Variants in CREB5 observed in about 807,000 individuals in gnomAD.
The protein encoded by CREB5 is cyclic AMP-responsive element-binding protein 5.
In CREB5, 19 loss-of-function variants were observed where a neutral mutation model predicts 57.1. The ratio of observed to expected loss-of-function variants is 0.33; its 90% confidence interval spans 0.23 to 0.49. CREB5 has a LOEUF of 0.49. Among genes scored for constraint, CREB5 ranks in the 20% least tolerant of loss-of-function variants. CREB5 has a pLI of 0.99. For missense variants in CREB5, 579 were observed against 671.6 expected (o/e 0.86, Z 1.52); for synonymous variants, 238 against 238.3 (o/e 1.00, Z 0.01).
rs1785983892 is a variant in CREB5 at position 28,343,849 on chromosome 7, T to G, written c.-25+44408T>G. On this transcript the variant is annotated intron_variant, in intron 1 of 9. Coordinates refer to the CREB5 transcript ENST00000396299. ...GCACAAGGATTCTCTTTTCTCCACA[T>G]TCTTGCCAACCTTTGTTATCTTTTG... Among the ~76,000 whole-genome samples the G allele has an allele frequency of 3.3e-5, 5 of 152,252 alleles. No homozygotes were observed. In the South Asian group the frequency reaches 1.0e-3, roughly 31 times the overall value.
chr7:28,514,674 G>A (rs781628788), intron 4 of CREB5, among the ~76,000 whole-genome samples: 2 of 152,204 alleles, frequency 1.3e-5, no homozygotes, highest in African/African-American at 2.4e-5. Context: ...GATTACAGGC[G>A]TGAGCCACCG....
chr7:28,614,926 A>C (rs1797538800), intron 5 of CREB5, among the ~76,000 whole-genome samples: 1 of 152,216 alleles, frequency 6.6e-6, no homozygotes, highest in African/African-American at 2.4e-5. Context: ...TATAAAAGAT[A>C]AGTAGTCTTT....
chr7:28,446,457 T>A (rs1319574740), intron 1 of CREB5, among the ~76,000 whole-genome samples: 2 of 152,192 alleles, frequency 1.3e-5, no homozygotes, highest in Non-Finnish European at 2.9e-5. Flanking sequence ...GCTCTGCCTT[T>A]TAATAGCTGG....
chr7:28,673,495 T>C (rs1800150222), intron 5 of CREB5, among the ~76,000 whole-genome samples: 1 of 152,190 alleles, frequency 6.6e-6, no homozygotes, highest in Non-Finnish European at 1.5e-5. Context: ...CTTTAAAACA[T>C]GCTTTATGAT....
Position 28,657,985 on chromosome 7 carries a change from G to A in CREB5, c.465-60768G>A, listed in dbSNP as rs144738791. 7.5e-3 allele frequency among the ~76,000 whole-genome samples: 1,137 copies of A among 152,166 alleles called. 15 individuals carry two copies. The highest frequency in any genetic ancestry group is 0.026 in the African/African-American group (1,080 of 41,528). On this transcript the variant is annotated intron_variant, in intron 5 of 10. Transcript: ENST00000357727. ...TGATGAACTGCTGGTTCCATTTCTCGTCTGCTCACTGAGCAGGCACATTAT... is the reference window on the plus strand; with the variant it reads ...TGATGAACTGCTGGTTCCATTTCTCATCTGCTCACTGAGCAGGCACATTAT...
chr7:28,749,333 G>A (rs541732142), intron 7 of CREB5: 1 of 152,326 alleles, frequency 6.6e-6, no homozygotes, highest in Non-Finnish European at 1.5e-5. Flanking sequence ...TGCAGCAGTG[G>A]GGAAAGGGCA....
At chr7:28,322,813 G>C (rs546907901) in intron 1 of CREB5, among the ~76,000 whole-genome samples, 3 of 152,172 alleles carry the variant, frequency 2.0e-5, no homozygotes, top group African/African-American at 7.2e-5. Context: ...AGTATTCCAT[G>C]GTGTATATGT....
chr7:28,367,328 G>A (rs911571282), intron 1 of CREB5, among the ~76,000 whole-genome samples: 2 of 152,162 alleles, frequency 1.3e-5, no homozygotes, highest in Non-Finnish European at 2.9e-5. Flanking sequence ...ATCCCACACT[G>A]CTCATGTCTA....
At chr7:28,524,183 A>G (rs541103961) in intron 4 of CREB5, among the ~76,000 whole-genome samples, 2 of 152,266 alleles carry the variant, frequency 1.3e-5, no homozygotes, top group South Asian at 4.2e-4. Flanking sequence ...CTTCCTTTTA[A>G]AGAAATTTGC....
intron 1 of CREB5, among the ~76,000 whole-genome samples, chr7:28,404,406 A>G (rs968275700): frequency 6.6e-6 from 1 of 151,820 alleles, no homozygotes; most frequent in Non-Finnish European, 1.5e-5. Context: ...CTCCCATCCC[A>G]CTCAGTCAGA....
At chr7:28,351,463 A>G (rs6958133) in intron 1 of CREB5, among the ~76,000 whole-genome samples, 140,958 of 152,196 alleles carry the variant, frequency 0.93, 65,554 homozygotes, top group Non-Finnish European at 0.97. Flanking sequence ...CACCAAGATC[A>G]GACTGTCTCT....
chr7:28,703,733 A>G (rs951746385), intron 5 of CREB5, among the ~76,000 whole-genome samples: 1 of 152,206 alleles, frequency 6.6e-6, no homozygotes, highest in African/African-American at 2.4e-5. Context: ...CAGGTCCTCA[A>G]TGGATTAGAT....
intron 3 of CREB5, among the ~76,000 whole-genome samples, chr7:28,497,508 T>C (rs562061461): frequency 1.3e-5 from 2 of 152,316 alleles, no homozygotes; most frequent in South Asian, 4.1e-4. Context: ...TTCTTTTGCT[T>C]TCTCATGGTT....
intron 5 of CREB5, among the ~76,000 whole-genome samples, chr7:28,670,794 G>T (rs1250283804): frequency 6.6e-6 from 1 of 152,110 alleles, no homozygotes; most frequent in African/African-American, 2.4e-5. Context: ...CCACAACTCT[G>T]TAGTAGCCTG....
chr7:28,519,275 T>A (rs1299918343), intron 4 of CREB5, among the ~76,000 whole-genome samples: 1 of 152,162 alleles, frequency 6.6e-6, no homozygotes, highest in Non-Finnish European at 1.5e-5. Flanking sequence ...TTTAGGCACA[T>A]GTATTACAAC....
chr7:28,625,575 T>G (rs1157007579), intron 5 of CREB5, among the ~76,000 whole-genome samples: 3 of 152,190 alleles, frequency 2.0e-5, no homozygotes, highest in African/African-American at 4.8e-5. Flanking sequence ...TGCAAGTGTG[T>G]GGTCACTGGT....
At chr7:28,583,491 T>C (rs1796193606) in intron 5 of CREB5, among the ~76,000 whole-genome samples, 2 of 152,150 alleles carry the variant, frequency 1.3e-5, no homozygotes, top group African/African-American at 4.8e-5. Flanking sequence ...TCTGTCCATT[T>C]CAATCTCTCA....
At chr7:28,638,352 C>CT (rs1216013345) in intron 5 of CREB5, among the ~76,000 whole-genome samples, 13 of 148,676 alleles carry the variant, frequency 8.7e-5, no homozygotes, top group Non-Finnish European at 1.8e-4. Context: ...ATTCTTTTTT[C>CT]TTTTTTTTTT....
intron 2 of CREB5, among the ~76,000 whole-genome samples, chr7:28,493,975 ATG>A (rs1791913081): frequency 6.6e-6 from 1 of 152,220 alleles, no homozygotes; most frequent in Non-Finnish European, 1.5e-5. Context: ...GTAGATACAT[ATG>A]TCAAATAATT....
Sources: gnomAD v4.1 joint callset for allele counts (sites outside exome capture counted in the v4.1 genomes callset) on GRCh38, gnomAD v4.1.1 for gene constraint, MANE v1.5 for transcripts, NCBI Gene and HGNC (gene_info 2026-07-23, HGNC 2026-07-21) for gene names.